Variants in PTPN5 observed in about 807,000 individuals in gnomAD.
PTPN5 encodes protein tyrosine phosphatase non-receptor type 5, also known as tyrosine-protein phosphatase non-receptor type 5.
A neutral mutation model predicts 73.9 loss-of-function variants in PTPN5; 29 were observed. The ratio of observed to expected loss-of-function variants is 0.39; its 90% CI spans 0.29 to 0.54. The LOEUF is 0.54. Ranked by LOEUF, PTPN5 falls within the 20% of genes least tolerant of loss-of-function variation. The pLI, the probability that PTPN5 is intolerant of heterozygous loss-of-function variation, is 0.65. For missense variants in PTPN5, 652 were observed against 751.4 expected (o/e 0.87, Z 1.55); for synonymous variants, 267 against 304.7 (o/e 0.88, Z 1.29).
chr11:18,736,672 CA>C lies in PTPN5; in HGVS notation c.1000+1207del, dbSNP rs760374957. On this transcript the variant is annotated intron_variant, in intron 9 of 14. Transcript: ENST00000358540. ...AGGCTCCATTCTTGCTGGACACAGA[CA>C]AGATTCTTTATTGGGCTCGGGGGCC... Among the ~76,000 whole-genome samples, 6 of 152,302 alleles carry C rather than the reference CA, an allele frequency of 3.9e-5. No homozygotes were observed. In the South Asian group the frequency reaches 8.3e-4, roughly 21 times the overall value.
intron 3 of PTPN5, among the ~76,000 whole-genome samples, chr11:18,764,118 T>C (rs1005900632): frequency 6.6e-6 from 1 of 152,214 alleles, no homozygotes; most frequent in Non-Finnish European, 1.5e-5. Context: ...TCCCATCCAT[T>C]GTGGAAATTT....
intron 3 of PTPN5, among the ~76,000 whole-genome samples, chr11:18,762,011 G>A (rs746339817): frequency 2.6e-4 from 39 of 152,228 alleles, no homozygotes; most frequent in East Asian, 3.9e-4. Flanking sequence ...GCACAAACAC[G>A]AGTGTGCGAG....
At chr11:18,770,664 C>T (rs996516077) in intron 2 of PTPN5, among the ~76,000 whole-genome samples, 6 of 152,310 alleles carry the variant, frequency 3.9e-5, no homozygotes, top group African/African-American at 7.2e-5. Context: ...ATCCTTTCTG[C>T]GCTCTGGGTC....
chr11:18,785,385 A>C (rs1851623244), intron 1 of PTPN5, among the ~76,000 whole-genome samples: 1 of 152,250 alleles, frequency 6.6e-6, no homozygotes, highest in Non-Finnish European at 1.5e-5. Flanking sequence ...CAGAGAAGTC[A>C]TGACAAAATG....
At chr11:18,738,450 C>G (rs1303681403) in intron 8 of PTPN5, among the ~76,000 whole-genome samples, 1 of 152,214 alleles carries the variant, frequency 6.6e-6, no homozygotes, top group Non-Finnish European at 1.5e-5. Flanking sequence ...CCAGGAATAT[C>G]TGCACCTCCC....
Position 18,742,956 on chromosome 11 carries a change from G to C in PTPN5, c.483+36C>G, listed in dbSNP as rs1410595484. On this transcript the variant is annotated intron_variant, in intron 6 of 14. Coordinates refer to ENST00000358540, the MANE Select transcript of PTPN5 (RefSeq NM_006906.2). The surrounding 1 kb of genome is among the most constrained non-coding windows in gnomAD (Gnocchi z 4.1). ...AAATCCAGGCCTCAAGGTCAGAGGAGGACAGCCTTGAGGTTGGGGTCAGGA... is the reference window on the plus strand; with the variant it reads ...AAATCCAGGCCTCAAGGTCAGAGGACGACAGCCTTGAGGTTGGGGTCAGGA... The C allele has an allele frequency of 3.7e-6, 5 of 1,356,160 alleles. No individual in the cohort carries two copies. The highest frequency in any genetic ancestry group is 4.1e-6 in the Non-Finnish European group (4 of 969,070). 84.0% of individuals were successfully genotyped at this position (1,356,160 alleles called of 1,614,324 possible).
chr11:18,785,907 T>C (rs1432617425), intron 1 of PTPN5, among the ~76,000 whole-genome samples: 1 of 152,220 alleles, frequency 6.6e-6, no homozygotes, highest in Admixed American at 6.5e-5. Flanking sequence ...ATGATGCTTG[T>C]TCCCTTACAA....
In PTPN5 at chr11:18,733,193, C is replaced by T. The variant is rs368737375; in HGVS notation, c.1218+42G>A. On this transcript the variant is annotated intron_variant, in intron 11 of 14. Transcript: ENST00000358540. The surrounding 1 kb of genome is among the most constrained non-coding windows in gnomAD (Gnocchi z 4.3). ...TGAGAACAAGATACTTAGTGTAGGG[C>T]GCAATGTAGCAGACACTTAGAATGG... The T allele has an allele frequency of 1.0e-4, 161 of 1,593,968 alleles. 1 individual carries two copies. In the East Asian group the frequency reaches 2.2e-3, roughly 22 times the overall value.
At chr11:18,753,080 G>C (rs1407459133) in intron 3 of PTPN5, among the ~76,000 whole-genome samples, 1 of 152,232 alleles carries the variant, frequency 6.6e-6, no homozygotes, top group Non-Finnish European at 1.5e-5. Context: ...GGCAGTGGAA[G>C]GCTGGGTTCT....
Position 18,740,805 on chromosome 11 carries a change from G to A in PTPN5, c.726-13C>T, listed in dbSNP as rs1849331678. The A allele has an allele frequency of 2.7e-6, 4 of 1,486,978 alleles. No homozygotes were observed. The highest frequency in any genetic ancestry group is 3.6e-6 in the Non-Finnish European group (4 of 1,110,700). The allele number at this position is 1,486,978 out of a possible 1,614,324, so 92.1% of individuals were successfully genotyped here. On this transcript the variant is annotated splice_polypyrimidine_tract_variant and intron_variant, in intron 7 of 14. Coordinates refer to ENST00000358540, the MANE Select transcript of PTPN5 (RefSeq NM_006906.2). ...ATTGGAACCCCTCCTGGAAGGACCA[G>A]GAAAGGGAGTGTGAGCCTCAGGGGC...
chr11:18,770,454 C>T (rs952685138), intron 2 of PTPN5, among the ~76,000 whole-genome samples: 1 of 152,226 alleles, frequency 6.6e-6, no homozygotes, highest in Admixed American at 6.5e-5. Context: ...CCGTAGCATA[C>T]ATCAGTACTT....
intron 2 of PTPN5, among the ~76,000 whole-genome samples, chr11:18,767,077 G>A (rs1032259368): frequency 6.6e-6 from 1 of 152,300 alleles, no homozygotes. Context: ...ACGCCAGTGG[G>A]ATGTGATTTC....
chr11:18,767,137 T>A (rs1392823026), intron 2 of PTPN5, among the ~76,000 whole-genome samples: 1 of 152,182 alleles, frequency 6.6e-6, no homozygotes, highest in Non-Finnish European at 1.5e-5. Flanking sequence ...TAGCATACTT[T>A]CAGGAATTCC....
At chr11:18,749,778 G>C (rs116843260) in intron 3 of PTPN5, among the ~76,000 whole-genome samples, 2,395 of 152,256 alleles carry the variant, frequency 0.016, 29 homozygotes, top group Non-Finnish European at 0.027. Flanking sequence ...CTGTGCCCTG[G>C]AGCTGGTGCC....
intron 1 of PTPN5, among the ~76,000 whole-genome samples, 154 bp from the exon 2 acceptor site, chr11:18,772,225 C>T (rs907004172): frequency 2.6e-5 from 4 of 152,160 alleles, no homozygotes; most frequent in Non-Finnish European, 5.9e-5. Context: ...ACACAGACAG[C>T]CCAGAATCAG....
chr11:18,762,522 T>C (rs764335383), intron 3 of PTPN5, among the ~76,000 whole-genome samples: 1 of 152,150 alleles, frequency 6.6e-6, no homozygotes, highest in Non-Finnish European at 1.5e-5. Context: ...ACAAATTCAA[T>C]GTGAATTTAC....
chr11:18,740,730 A>G lies in PTPN5; in HGVS notation c.788T>C (p.Phe263Ser), dbSNP rs747373096. Residue 263 changes from phenylalanine to serine, a missense_variant, in exon 8 of 15, where the codon TTT (phenylalanine) becomes TCT (serine). Phe to Ser is a radical substitution (Grantham distance 155, BLOSUM62 -2). Around this residue, in one of 3 missense-constraint regions of PTPN5, gnomAD observed 529 missense variants for 573.9 expected, o/e 0.92. Coordinates refer to ENST00000358540, the MANE Select transcript of PTPN5 (RefSeq NM_006906.2). ...CTCACGTGGGGACATGAGATAGCCA[A>G]AGCCCTCCTCGTTGCAGCCCGGAGT... The part of the protein sequence containing the change: ...MCTPGCNEEG[F>S]GYLMSPREES... 2 of 1,601,936 alleles carry G rather than the reference A, an allele frequency of 1.2e-6. No individual in the cohort carries two copies. Among genetic ancestry groups the G allele is most frequent in the Non-Finnish European group, 1.7e-6 (2 of 1,173,156 alleles).
At chr11:18,764,018 G>C (rs763505952) in intron 3 of PTPN5, among the ~76,000 whole-genome samples, 4 of 152,182 alleles carry the variant, frequency 2.6e-5, no homozygotes, top group Non-Finnish European at 5.9e-5. Flanking sequence ...TGCCATCCCT[G>C]ATTGTAGAGT....
intron 3 of PTPN5, among the ~76,000 whole-genome samples, chr11:18,762,623 A>G (rs879328871): frequency 2.6e-5 from 4 of 152,124 alleles, no homozygotes; most frequent in Non-Finnish European, 5.9e-5. Flanking sequence ...ACTATTAACC[A>G]TACTATGTGG....
Sources: allele counts gnomAD v4.1 joint callset (sites outside exome capture counted in the v4.1 genomes callset), GRCh38; gene constraint gnomAD v4.1.1; regional missense constraint gnomAD v4.1.1; non-coding constraint Gnocchi (gnomAD v3.1); transcripts MANE v1.5; gene names NCBI Gene and HGNC (gene_info 2026-07-23, HGNC 2026-07-21).